LCN15: variants seen among roughly 807,000 people sequenced by gnomAD.
The protein encoded by LCN15 is lipocalin-15.
A neutral mutation model predicts 23.1 loss-of-function variants in LCN15; 26 were observed. That is an observed-to-expected ratio of 1.13 (90% CI 0.82 to 1.56). The LOEUF is 1.56. Among genes scored for constraint, LCN15 ranks in the 40% most tolerant of loss-of-function variants. LCN15 has a pLI of 0.00. For synonymous variants in LCN15, 107 were observed against 98.3 expected (o/e 1.09, Z -0.52); for missense variants, 241 against 239.5 (o/e 1.01, Z -0.04).
rs1847318746 is a variant in LCN15, at chr9:136,761,692, C to CG, written c.*32+94dup. 7.7e-6 allele frequency: 4 copies of CG among 521,594 alleles called. No homozygotes were observed. The highest frequency in any genetic ancestry group is 5.9e-5 in the African/African-American group (3 of 50,972). 32.3% of individuals were successfully genotyped at this position (521,594 alleles called of 1,614,324 possible). A position where few individuals can be genotyped will look rare whatever the true frequency, so the allele number is the denominator to read the frequency against. On this transcript the variant is annotated intron_variant, in intron 6 of 6. Coordinates refer to ENST00000316144, the MANE Select transcript of LCN15 (RefSeq NM_203347.2). This position sits in a 1 kb window ranked among gnomAD's most constrained non-coding sequence, Gnocchi z 4.2. ...AGCATGGGGTCGCCAGGCAGAACAG[C>CG]GGGGCAGGCATGGGGCAGACAGAAC...
rs762900586 is a variant in LCN15, at chr9:136,763,361, G to C, written c.414C>G (p.Leu138=). ...LEGALSTMVQ[L]YSRTQDVSPQ... Reference sequence around the variant, plus strand: ...GGAGGTGGGACAGGCACTCACTGTAGAGCTGCACCATGGTGCTGAGGGCCC... The same window carrying C: ...GGAGGTGGGACAGGCACTCACTGTACAGCTGCACCATGGTGCTGAGGGCCC... Residue 138 remains leucine (L), a synonymous_variant, in exon 4 of 7, where the codon CTC becomes CTG. Transcript: ENST00000316144. The C allele has an allele frequency of 6.4e-7, 1 of 1,564,682 alleles. No individual in the cohort carries two copies. Among genetic ancestry groups the C allele is most frequent in the Admixed American group, 1.8e-5 (1 of 56,112 alleles).
At chr9:136,760,785 G>A (rs1374197315) in intron 6 of LCN15, among the ~76,000 whole-genome samples, 1 of 152,252 alleles carries the variant, frequency 6.6e-6, no homozygotes, top group African/African-American at 2.4e-5. Context: ...CCTGGGGAGG[G>A]AGCCAGGGGC....
rs1193205327 is a variant in LCN15 at position 136,763,435 on chromosome 9, T to G, written c.340A>C (p.Thr114Pro). The G allele has an allele frequency of 1.9e-6, 3 of 1,609,388 alleles. No homozygotes were observed. In the African/African-American group the frequency reaches 4.0e-5, roughly 22 times the overall value. ...AGGACGGCGAAGGAGCTGTAGTCTG[T>G]GTCCACGATGCGCACGTCCAGGTAG... is the stretch of plus-strand genomic sequence containing the variant. ...LGYLDVRIVD[T>P]DYSSFAVLYI... The change falls in exon 4 of 7, where the codon ACA becomes CCA. Residue 114 changes from threonine to proline, a missense_variant. Physicochemically the swap from Thr to Pro is conservative, Grantham distance 38. Coordinates refer to ENST00000316144, the MANE Select transcript of LCN15 (RefSeq NM_203347.2).
chr9:136,764,054 G>C, intron 1 of LCN15, 45 bp from the exon 2 acceptor site: 1 of 1,599,686 alleles, frequency 6.3e-7, no homozygotes, highest in South Asian at 1.1e-5. Flanking sequence ...GCCAGCAGCA[G>C]GGCCCTCCTT....
In LCN15 at chr9:136,761,418, G is replaced by A. The variant is rs925698412; in HGVS notation, c.*32+369C>T. 1.3e-5 allele frequency among the ~76,000 whole-genome samples: 2 copies of A among 152,084 alleles called. No homozygotes were observed. The highest frequency in any genetic ancestry group is 1.3e-4 in the Admixed American group (2 of 15,258). ...TGAGATTACAGGTGTGCACCACCAC[G>A]CCCAGCTAAGTTTTGTATTTTTAGT... On this transcript the variant is annotated intron_variant, in intron 6 of 6. Transcript: ENST00000316144. This position sits in a 1 kb window ranked among gnomAD's most constrained non-coding sequence, Gnocchi z 4.2.
chr9:136,762,066 C>T (rs1847323866), intron 5 of LCN15, 122 bp downstream of exon 5: 1 of 773,294 alleles, frequency 1.3e-6, no homozygotes, highest in African/African-American at 1.8e-5. Context: ...CAGCCCACCC[C>T]TGGAAGAGAA....
chr9:136,763,843 C>T (rs1285818270), intron 2 of LCN15, 27 bp downstream of exon 2: 4 of 1,613,136 alleles, frequency 2.5e-6, no homozygotes, highest in Admixed American at 1.7e-5. Context: ...CCAGCCCAGC[C>T]CAGGCAGCCC....
chr9:136,763,329 A>G lies in LCN15; in HGVS notation c.418+28T>C, dbSNP rs770616102. ...GCCTGTGGGAAGTTGGGGAGGGGCC[A>G]GTGCGGGGAGGTGGGACAGGCACTC... On this transcript the variant is annotated intron_variant, in intron 4 of 6. Transcript: ENST00000316144. 1.9e-5 allele frequency: 24 copies of G among 1,275,888 alleles called. No homozygotes were observed. The South Asian group carries it at 2.7e-4, about 15-fold the overall frequency. The allele number at this position is 1,275,888 out of a possible 1,614,324, so 79.0% of individuals were successfully genotyped here. A position where few individuals can be genotyped will look rare whatever the true frequency, so the allele number is the denominator to read the frequency against.
rs1037541897 is a variant in LCN15, at chr9:136,763,867, C to G, written c.236+3G>C. On this transcript the variant is annotated splice_donor_region_variant and intron_variant, in intron 2 of 6. Transcript: ENST00000316144. The stretch of plus-strand genomic sequence containing the variant: ...CCCAGGCAGCCCAGCCCAAGTAACT[C>G]ACCCCGGGAACTCCATGTGGACGTG... 6.2e-7 allele frequency: 1 copy of G among 1,613,388 alleles called. No individual in the cohort carries two copies. The highest frequency in any genetic ancestry group is 8.5e-7 in the Non-Finnish European group (1 of 1,179,882).
At chr9:136,764,173 G>C in intron 1 of LCN15, 164 bp from the exon 2 acceptor site, 3 of 879,402 alleles carry the variant, frequency 3.4e-6, no homozygotes, top group Non-Finnish European at 5.2e-6. Flanking sequence ...TCTTGGGTAG[G>C]TCACAGTGCA....
In LCN15 at chr9:136,763,383, G is replaced by T; in HGVS notation, c.392C>A (p.Ala131Asp). 6.3e-7 allele frequency: 1 copy of T among 1,599,542 alleles called. No homozygotes were observed. ...GTAGAGCTGCACCATGGTGCTGAGG[G>T]CCCCCTCCAGCTCCTTGTAGATGTA... ...VLYIYKELEG[A>D]LSTMVQLYSR... Residue 131 changes from alanine (A) to aspartate (D), a missense_variant, in exon 4 of 7, where the codon GCC becomes GAC. By Grantham distance (126) the Ala-to-Asp change is moderately radical. Transcript: ENST00000316144.
intron 2 of LCN15, 31 bp downstream of exon 2, chr9:136,763,839 C>T (rs1306986450): frequency 1.9e-6 from 3 of 1,613,236 alleles, no homozygotes; most frequent in Admixed American, 3.3e-5. Context: ...CTCCCCAGCC[C>T]AGCCCAGGCA....
rs77144509 is a variant in LCN15 at position 136,763,929 on chromosome 9, G to C, written c.177C>G (p.Ser59=). 1.2e-6 allele frequency: 2 copies of C among 1,613,660 alleles called. No homozygotes were observed. Among genetic ancestry groups the C allele is most frequent in the Non-Finnish European group, 8.5e-7 (1 of 1,179,976 alleles). ...FLGKKDHLSM[S]TRAIRPTEEG... Reference sequence around the variant, plus strand: ...CCTCTGTGGGCCTGATGGCCCTGGTGGACATGGACAGGTGGTCCTTCTTGC... The same window carrying C: ...CCTCTGTGGGCCTGATGGCCCTGGTCGACATGGACAGGTGGTCCTTCTTGC... Residue 59 remains serine (S), a synonymous_variant, in exon 2 of 7, where the codon TCC becomes TCG. Transcript: ENST00000316144.
chr9:136,762,269 G>A lies in LCN15; in HGVS notation c.439C>T (p.Pro147Ser). 2 of 1,592,680 alleles carry A rather than the reference G, an allele frequency of 1.3e-6. No individual in the cohort carries two copies. ...QLYSRTQDVS[P>S]QALKSFQDFY... ...TCCTGGAAGGACTTCAGAGCCTGGGGACTCACATCCTGGGTCCGGCCTGGG... is the reference window on the plus strand; with the variant it reads ...TCCTGGAAGGACTTCAGAGCCTGGGAACTCACATCCTGGGTCCGGCCTGGG... Residue 147 changes from proline (P) to serine (S), a missense_variant, in exon 5 of 7, where the codon CCC becomes TCC. Coordinates refer to ENST00000316144, the MANE Select transcript of LCN15 (RefSeq NM_203347.2).
intron 4 of LCN15, 75 bp from the exon 5 acceptor site, chr9:136,762,364 C>G (rs1847329721): frequency 2.3e-6 from 2 of 853,280 alleles, no homozygotes; most frequent in East Asian, 5.6e-5. Flanking sequence ...CCTCACTCCA[C>G]CAGCCTGAGG....
chr9:136,759,779 T>C lies in LCN15; in HGVS notation c.*37A>G, dbSNP rs1010852657. On this transcript the variant is annotated 3_prime_UTR_variant, in exon 7 of 7. Transcript: ENST00000316144. Reference sequence around the variant, plus strand: ...GGGCAAAGGCGCCTGCTGCTTTGGCTCCACCTGCGTAGAAAACGCATGCCT... The same window carrying C: ...GGGCAAAGGCGCCTGCTGCTTTGGCCCCACCTGCGTAGAAAACGCATGCCT... 2.0e-5 allele frequency: 3 copies of C among 152,176 alleles called. No individual in the cohort carries two copies. The highest frequency in any genetic ancestry group is 4.4e-5 in the Non-Finnish European group (3 of 68,050). The allele number at this position is 152,176 out of a possible 1,614,324, so 9.4% of individuals were successfully genotyped here. A position where few individuals can be genotyped will look rare whatever the true frequency, so the allele number is the denominator to read the frequency against.
At chr9:136,763,687 C>A in intron 3 of LCN15, 26 bp downstream of exon 3, 3 of 1,611,556 alleles carry the variant, frequency 1.9e-6, no homozygotes, top group Non-Finnish European at 2.5e-6. Flanking sequence ...TCCAGCACCC[C>A]TGAAGGCAGA....
rs1447000862 is a variant in LCN15, at chr9:136,763,766, T to A, written c.254A>T (p.Gln85Leu). The A allele has an allele frequency of 2.5e-6, 4 of 1,613,496 alleles. No homozygotes were observed. The South Asian group carries it at 3.3e-5, about 13-fold the overall frequency. The change falls in exon 3 of 7, where the codon CAG (glutamine) becomes CTG (leucine). Residue 85 changes from glutamine (Q) to leucine (L), a missense_variant. Coordinates refer to ENST00000316144, the MANE Select transcript of LCN15 (RefSeq NM_203347.2). Reference sequence around the variant, plus strand: ...CACCTTCAGGTACTCGGCATCCACCTGGTTACAGCCGTCCGCCCTGGGGGT... The same window carrying A: ...CACCTTCAGGTACTCGGCATCCACCAGGTTACAGCCGTCCGCCCTGGGGGT... ...MEFPGADGCN[Q>L]VDAEYLKVGS...
Position 136,761,932 on chromosome 9 carries a change from C to A in LCN15, c.521-79G>T. The A allele has an allele frequency of 8.5e-7, 1 of 1,170,454 alleles. No individual in the cohort carries two copies. Among genetic ancestry groups the A allele is most frequent in the Non-Finnish European group, 1.1e-6 (1 of 894,424 alleles). The allele number at this position is 1,170,454 out of a possible 1,614,324, so 72.5% of individuals were successfully genotyped here. A position where few individuals can be genotyped will look rare whatever the true frequency, so the allele number is the denominator to read the frequency against. On this transcript the variant is annotated intron_variant, in intron 5 of 6. Transcript: ENST00000316144. The surrounding 1 kb of genome is among the most constrained non-coding windows in gnomAD (Gnocchi z 4.2). Reference sequence around the variant, plus strand: ...CCCGCAGCCCCCAACCCCTGGGTGCCAAGGGCCACTGGACAGCTCCACCAT... The same window carrying A: ...CCCGCAGCCCCCAACCCCTGGGTGCAAAGGGCCACTGGACAGCTCCACCAT...
Sources: allele counts gnomAD v4.1 joint callset (sites outside exome capture counted in the v4.1 genomes callset), GRCh38; gene constraint gnomAD v4.1.1; non-coding constraint Gnocchi (gnomAD v3.1); transcripts MANE v1.5; gene names NCBI Gene and HGNC (gene_info 2026-07-23, HGNC 2026-07-21).